SCAMP4: variants seen among roughly 807,000 people sequenced by gnomAD.
SCAMP4 encodes the protein secretory carrier-associated membrane protein 4.
Under a neutral mutation model 32.1 loss-of-function variants are expected in SCAMP4, and 19 were observed. That is an observed-to-expected ratio of 0.59 (90% confidence interval 0.41 to 0.87). The LOEUF is 0.87. Ranked by LOEUF, SCAMP4 falls within the 40% of genes least tolerant of loss-of-function variation. SCAMP4 has a pLI of 0.00. For missense variants in SCAMP4, 302 were observed against 309.0 expected (o/e 0.98, Z 0.17); for synonymous variants, 152 against 132.7 (o/e 1.15, Z -1.00).
Position 1,913,517 on chromosome 19 carries a change from C to A in SCAMP4, c.-41-1462C>A, listed in dbSNP as rs546059380. On this transcript the variant is annotated intron_variant, in intron 1 of 6. Coordinates refer to ENST00000316097, the MANE Select transcript of SCAMP4 (RefSeq NM_079834.4). The stretch of plus-strand genomic sequence containing the variant: ...GAGTGGGGTGGGGTCTGTACAGGGC[C>A]TGGTGGCTCAGCCGGAGGGGACCTG... The A allele has an allele frequency of 1.5e-4, 41 of 278,360 alleles. No individual in the cohort carries two copies. The East Asian group carries it at 3.7e-3, about 25-fold the overall frequency. The allele number at this position is 278,360 out of a possible 1,614,324, so 17.2% of individuals were successfully genotyped here. A position where few individuals can be genotyped will look rare whatever the true frequency, so the allele number is the denominator to read the frequency against.
chr19:1,918,029 T>C, intron 3 of SCAMP4, 98 bp from the exon 4 acceptor site: 1 of 1,472,370 alleles, frequency 6.8e-7, no homozygotes, highest in Non-Finnish European at 9.2e-7. Context: ...GTCACTGGGC[T>C]GGGGAGGCGG....
At chr19:1,915,168 C>T in intron 2 of SCAMP4, 142 bp downstream of exon 2, 3 of 969,004 alleles carry the variant, frequency 3.1e-6, no homozygotes, top group Non-Finnish European at 4.8e-6. Flanking sequence ...GGTCCCGTAG[C>T]CCAGCACAGC....
In SCAMP4 at chr19:1,922,823, G is replaced by A. The variant is rs528933861; in HGVS notation, c.396-247G>A. The A allele has an allele frequency of 7.1e-5, 85 of 1,203,878 alleles. No homozygotes were observed. The East Asian group carries it at 8.8e-4, about 12-fold the overall frequency. The allele number at this position is 1,203,878 out of a possible 1,614,324, so 74.6% of individuals were successfully genotyped here. A position where few individuals can be genotyped will look rare whatever the true frequency, so the allele number is the denominator to read the frequency against. ...AGGGATAAGGTTGTGTTCACGCGTC[G>A]AAGTTTGTGTCCACTGCACACGCGG... On this transcript the variant is annotated intron_variant, in intron 5 of 6. Transcript: ENST00000316097.
chr19:1,918,497 C>T (rs2013809500), intron 4 of SCAMP4: 3 of 604,130 alleles, frequency 5.0e-6, no homozygotes, highest in South Asian at 4.7e-5. Context: ...TGCAGTGGCT[C>T]AGGCCTATAA....
At position 1,921,813 on chromosome 19, in the gene SCAMP4, C is replaced by T. The variant is rs1018186501; in HGVS notation, c.396-1257C>T. ...TGGGCAACATAGGGAGAAACCATCT[C>T]TCCAGAAAAAAAAAAAGAGGAAGGA... is the stretch of plus-strand genomic sequence containing the variant. On this transcript the variant is annotated intron_variant, in intron 5 of 6. Coordinates refer to ENST00000316097, the MANE Select transcript of SCAMP4 (RefSeq NM_079834.4). 22 of 984,360 alleles carry T rather than the reference C, an allele frequency of 2.2e-5. No homozygotes were observed. In the African/African-American group the frequency reaches 3.2e-4, roughly 14 times the overall value. 61.0% of individuals were successfully genotyped at this position (984,360 alleles called of 1,614,324 possible). A position where few individuals can be genotyped will look rare whatever the true frequency, so the allele number is the denominator to read the frequency against.
intron 1 of SCAMP4, chr19:1,911,948 G>C (rs2013472970): frequency 7.2e-7 from 1 of 1,384,826 alleles, no homozygotes; most frequent in South Asian, 1.6e-5. Context: ...CGGAGCCCTC[G>C]GACTAGCCTC....
At position 1,909,321 on chromosome 19, in the gene SCAMP4, C is replaced by T. The variant is rs543687783; in HGVS notation, c.-42+3882C>T. ...AGCAGTCCCTGCAGGCTGGCTGTCC[C>T]CACGCCTGCCTCTCTGCTGTGCTGT... On this transcript the variant is annotated intron_variant, in intron 1 of 6. Coordinates refer to ENST00000316097, the MANE Select transcript of SCAMP4 (RefSeq NM_079834.4). 5.0e-4 allele frequency among the ~76,000 whole-genome samples: 76 copies of T among 152,264 alleles called. No individual in the cohort carries two copies. In the Middle Eastern group the frequency reaches 0.01, roughly 20 times the overall value.
intron 1 of SCAMP4, chr19:1,912,966 T>A (rs747801869): frequency 6.2e-7 from 1 of 1,609,740 alleles, no homozygotes; most frequent in Non-Finnish European, 8.5e-7. Flanking sequence ...CCGCGAGCCC[T>A]GCGCCATGTG....
At chr19:1,912,553 A>G in intron 1 of SCAMP4, 1 of 1,500,420 alleles carries the variant, frequency 6.7e-7, no homozygotes. Flanking sequence ...TTCCACGAGG[A>G]CAAGCAGGTG....
rs1283565171 is a variant in SCAMP4, at chr19:1,919,102, G to A, written c.395+112G>A. On this transcript the variant is annotated intron_variant, in intron 5 of 6. Coordinates refer to ENST00000316097, the MANE Select transcript of SCAMP4 (RefSeq NM_079834.4). ...AGCGTGCTGGTCCGGGATTGTACGC[G>A]CTCTCCTAGGGAGGGGTCTGAGCTC... 17 of 1,531,522 alleles carry A rather than the reference G, an allele frequency of 1.1e-5. No individual in the cohort carries two copies. In the East Asian group the frequency reaches 1.7e-4, roughly 15 times the overall value. The allele number at this position is 1,531,522 out of a possible 1,614,324, so 94.9% of individuals were successfully genotyped here. A position where few individuals can be genotyped will look rare whatever the true frequency, so the allele number is the denominator to read the frequency against.
chr19:1,906,377 G>C (rs772510504), intron 1 of SCAMP4: 1 of 152,080 alleles, frequency 6.6e-6, no homozygotes, highest in East Asian at 1.9e-4. Context: ...AAGAAAAAAA[G>C]ATTTTTTTTT....
At chr19:1,912,640 G>A in intron 1 of SCAMP4, 1 of 1,430,180 alleles carries the variant, frequency 7.0e-7, no homozygotes, top group Admixed American at 3.1e-5. Flanking sequence ...CGGGCGGTGT[G>A]GGCGGCCCGG....
At chr19:1,920,127 A>T (rs2013872433) in intron 5 of SCAMP4, 1 of 985,214 alleles carries the variant, frequency 1.0e-6, no homozygotes, top group Non-Finnish European at 1.2e-6. Context: ...GTGGCTTTTT[A>T]AATAGGCTTT....
intron 1 of SCAMP4, among the ~76,000 whole-genome samples, chr19:1,910,476 G>T (rs1359089586): frequency 6.6e-6 from 1 of 152,038 alleles, no homozygotes; most frequent in African/African-American, 2.4e-5. Context: ...TAGGGGTGAT[G>T]GAATGTTCTG....
In SCAMP4 at chr19:1,912,959, C is replaced by T. The variant is rs1293500874; in HGVS notation, c.-41-2020C>T. Reference sequence around the variant, plus strand: ...CTGGCTACGACCTGTACGTGACCCGCGAGCCCTGCGCCATGTGCGCCATGG... The same window carrying T: ...CTGGCTACGACCTGTACGTGACCCGTGAGCCCTGCGCCATGTGCGCCATGG... On this transcript the variant is annotated intron_variant, in intron 1 of 6. Transcript: ENST00000316097. The T allele has an allele frequency of 5.6e-6, 9 of 1,610,122 alleles. No homozygotes were observed. In the African/African-American group the frequency reaches 6.7e-5, roughly 12 times the overall value.
chr19:1,922,322 C>T (rs529898410), intron 5 of SCAMP4: 115 of 932,952 alleles, frequency 1.2e-4, no homozygotes, highest in Middle Eastern at 5.4e-4. Context: ...AGCAACGGCA[C>T]GATCTCGGCT....
intron 1 of SCAMP4, 39 bp from the exon 2 acceptor site, chr19:1,914,940 C>G: frequency 6.4e-7 from 1 of 1,556,638 alleles, no homozygotes; most frequent in Non-Finnish European, 8.9e-7. Flanking sequence ...CTGCCCAGGG[C>G]AGCTCAGGGT....
chr19:1,919,181 C>G, intron 5 of SCAMP4, 191 bp downstream of exon 5: 1 of 1,421,270 alleles, frequency 7.0e-7, no homozygotes, highest in Non-Finnish European at 9.2e-7. Context: ...CAGCACCCAG[C>G]CATGGTTCGC....
At chr19:1,913,401 C>CG in intron 1 of SCAMP4, 1 of 601,030 alleles carries the variant, frequency 1.7e-6, no homozygotes, top group Non-Finnish European at 2.9e-6. Flanking sequence ...CTCTGTCTCG[C>CG]GGGCCGGGAA....
Sources: allele counts gnomAD v4.1 joint callset (sites outside exome capture counted in the v4.1 genomes callset), GRCh38; gene constraint gnomAD v4.1.1; transcripts MANE v1.5; gene names NCBI Gene and HGNC (gene_info 2026-07-23, HGNC 2026-07-21).